The following CCSER1 variants were observed in gnomAD, a reference collection of about 807,000 sequenced individuals.
The protein encoded by CCSER1 is coiled-coil serine rich protein 1.
A neutral mutation model predicts 82.0 loss-of-function variants in CCSER1; 41 were observed. The observed-to-expected ratio is 0.50, with a 90% CI of 0.39 to 0.65. The LOEUF is 0.65. Among genes scored for constraint, CCSER1 ranks in the 30% least tolerant of loss-of-function variants. The probability of loss-of-function intolerance (pLI) is 0.00; values close to 1 mark genes in which losing one functional copy is unlikely to be tolerated. For synonymous variants in CCSER1, 414 were observed against 383.9 expected (o/e 1.08, Z -0.92); for missense variants, 1,119 against 1,064.2 (o/e 1.05, Z -0.72).
In CCSER1 at chr4:90,630,878, A is replaced by ATTT. The variant is rs1724266216; in HGVS notation, c.1932+2648_1932+2649insTTT. Among the ~76,000 whole-genome samples the ATTT allele has an allele frequency of 3.8e-5, 3 of 79,594 alleles. No homozygotes were observed. In the South Asian group the frequency reaches 9.6e-4, roughly 25 times the overall value. 52.2% of individuals were successfully genotyped at this position (79,594 alleles called of 152,430 possible). A position where few individuals can be genotyped will look rare whatever the true frequency, so the allele number is the denominator to read the frequency against. ...CAATCTTTGTTCACAGATTATTATT[A>ATTT]TTATTATTATTATTATTATTATTAT... On this transcript the variant is annotated intron_variant, in intron 6 of 10. Transcript: ENST00000509176.
At chr4:90,552,585 G>A (rs1438951055) in intron 5 of CCSER1, among the ~76,000 whole-genome samples, 1 of 151,720 alleles carries the variant, frequency 6.6e-6, no homozygotes, top group Admixed American at 6.6e-5. Flanking sequence ...AGCCTCCCAT[G>A]TAGCTGGGAC....
intron 10 of CCSER1, among the ~76,000 whole-genome samples, chr4:91,118,792 G>A (rs1373570703): frequency 6.6e-6 from 1 of 152,140 alleles, no homozygotes; most frequent in African/African-American, 2.4e-5. Flanking sequence ...TGACATAAGT[G>A]TTAGACTGTG....
At chr4:90,472,243 A>C (rs1382055621) in intron 5 of CCSER1, among the ~76,000 whole-genome samples, 3 of 152,172 alleles carry the variant, frequency 2.0e-5, no homozygotes, top group African/African-American at 7.2e-5. Context: ...ATCTCAGAAT[A>C]TGTAAGATTG....
chr4:90,393,901 C>G (rs1751577661), intron 3 of CCSER1, among the ~76,000 whole-genome samples: 1 of 150,534 alleles, frequency 6.6e-6, no homozygotes, highest in South Asian at 2.1e-4. Context: ...GCCTCAGCCC[C>G]CTGCGTAGCT....
rs74789672 is a variant in CCSER1 at position 91,148,485 on chromosome 4, A to G, written c.2217+62491A>G. 2.1e-4 allele frequency among the ~76,000 whole-genome samples: 32 copies of G among 151,928 alleles called. No homozygotes were observed. In the East Asian group the frequency reaches 5.8e-3, roughly 28 times the overall value. On this transcript the variant is annotated intron_variant, in intron 10 of 10. Transcript: ENST00000509176. ...ACCAGACATTCTTATTTATTTATTT[A>G]TTTATTTTTATTATTATACTTTAAG... is the stretch of plus-strand genomic sequence containing the variant.
chr4:91,188,667 T>C (rs1257615291), intron 10 of CCSER1, among the ~76,000 whole-genome samples: 2 of 152,162 alleles, frequency 1.3e-5, no homozygotes, highest in African/African-American at 4.8e-5. Flanking sequence ...CCTAGGTCAT[T>C]AGCTGATGTT....
At chr4:90,721,352 G>A (rs1327314175) in intron 6 of CCSER1, among the ~76,000 whole-genome samples, 1 of 149,276 alleles carries the variant, frequency 6.7e-6, no homozygotes, top group Middle Eastern at 3.5e-3. Context: ...AATGTCTATT[G>A]TGTCTCCAAT....
chr4:90,325,820 A>G (rs1738075743), intron 3 of CCSER1: 1 of 241,708 alleles, frequency 4.1e-6, no homozygotes, highest in African/African-American at 2.2e-5. Context: ...AGTCAAAGAA[A>G]TTCTGACTCC....
At chr4:90,174,486 A>G (rs1732302934) in intron 1 of CCSER1, among the ~76,000 whole-genome samples, 1 of 151,942 alleles carries the variant, frequency 6.6e-6, no homozygotes, top group South Asian at 2.1e-4. Flanking sequence ...TGATTTTCTC[A>G]GGTTAGTGCC....
At chr4:90,986,998 A>T (rs1736632557) in intron 9 of CCSER1, among the ~76,000 whole-genome samples, 2 of 151,706 alleles carry the variant, frequency 1.3e-5, no homozygotes, top group East Asian at 2.0e-4. Context: ...GATGGTCATA[A>T]GTGAAGTCTA....
At chr4:90,205,102 T>C (rs956336143) in intron 1 of CCSER1, among the ~76,000 whole-genome samples, 5 of 152,240 alleles carry the variant, frequency 3.3e-5, no homozygotes, top group Non-Finnish European at 7.3e-5. Flanking sequence ...GCTGAGATGA[T>C]GGAGTTTTCT....
intron 1 of CCSER1, among the ~76,000 whole-genome samples, chr4:90,299,167 C>T (rs1455617054): frequency 6.6e-6 from 1 of 152,072 alleles, no homozygotes; most frequent in African/African-American, 2.4e-5. Flanking sequence ...TAATTTCTTT[C>T]AAATGTGTTC....
At chr4:90,403,348 A>C (rs1365982165) in intron 4 of CCSER1, among the ~76,000 whole-genome samples, 14 of 150,818 alleles carry the variant, frequency 9.3e-5, no homozygotes, top group South Asian at 2.1e-4. Flanking sequence ...AAATACAAAA[A>C]ATTAGCCGGG....
intron 9 of CCSER1, among the ~76,000 whole-genome samples, chr4:91,081,782 G>A (rs1722785099): frequency 6.6e-6 from 1 of 152,136 alleles, no homozygotes; most frequent in Non-Finnish European, 1.5e-5. Context: ...GACAAACAGA[G>A]TGCCAAATTA....
At chr4:91,418,032 A>G (rs554809289) in intron 10 of CCSER1, among the ~76,000 whole-genome samples, 3 of 152,110 alleles carry the variant, frequency 2.0e-5, no homozygotes, top group Non-Finnish European at 2.9e-5. Flanking sequence ...GACTTGACAC[A>G]AAAGAATATT....
chr4:90,671,599 G>A (rs577434083), intron 6 of CCSER1, among the ~76,000 whole-genome samples: 4 of 152,046 alleles, frequency 2.6e-5, no homozygotes, highest in African/African-American at 9.6e-5. Flanking sequence ...AGTCTTTGAA[G>A]TCTTGAACCT....
chr4:90,942,271 T>G (rs1731687154), intron 9 of CCSER1, among the ~76,000 whole-genome samples: 1 of 152,136 alleles, frequency 6.6e-6, no homozygotes, highest in Non-Finnish European at 1.5e-5. Flanking sequence ...TCCTGTCTTT[T>G]AAATGACATC....
intron 10 of CCSER1, among the ~76,000 whole-genome samples, chr4:91,086,207 T>G (rs1001007592): frequency 6.6e-6 from 1 of 152,128 alleles, no homozygotes; most frequent in Non-Finnish European, 1.5e-5. Context: ...CCTCTGAAGC[T>G]AAAGAAAATG....
intron 8 of CCSER1, among the ~76,000 whole-genome samples, chr4:90,884,545 C>T (rs984904514): frequency 4.6e-5 from 7 of 151,984 alleles, no homozygotes; most frequent in African/African-American, 7.2e-5. Flanking sequence ...TTGGATAGCT[C>T]TATACAGAAG....
Sources: allele counts gnomAD v4.1 joint callset (sites outside exome capture counted in the v4.1 genomes callset), GRCh38; gene constraint gnomAD v4.1.1; transcripts MANE v1.5; gene names NCBI Gene and HGNC (gene_info 2026-07-23, HGNC 2026-07-21).